Variants in SMAP2 observed in about 807,000 individuals in gnomAD.
The protein encoded by SMAP2 is stromal membrane-associated protein 2.
Under a neutral mutation model 56.4 loss-of-function variants are expected in SMAP2, and 25 were observed. That is an observed-to-expected ratio of 0.44 (90% CI 0.32 to 0.62). The LOEUF (loss-of-function observed/expected upper bound fraction) is 0.62, where lower values mean the gene tolerates loss of function less well. SMAP2 is among the 20% of genes least tolerant of loss of function. The pLI, the probability that SMAP2 is intolerant of heterozygous loss-of-function variation, is 0.04. For missense variants in SMAP2, 388 were observed against 545.6 expected, an observed-to-expected ratio of 0.71 and a Z score of 2.88; for synonymous variants, 157 against 181.7, an observed-to-expected ratio of 0.86 and a Z score of 1.09.
intron 1 of SMAP2, among the ~76,000 whole-genome samples, chr1:40,398,746 C>A (rs1342974951): frequency 6.6e-6 from 1 of 151,960 alleles, no homozygotes; most frequent in East Asian, 1.9e-4. Flanking sequence ...TCAAGTGATC[C>A]TCCAACCTCA....
At chr1:40,362,611 T>G (rs12562232) in intron 2 of SMAP2, among the ~76,000 whole-genome samples, 14,561 of 152,222 alleles carry the variant, frequency 0.096, 739 homozygotes, top group East Asian at 0.17. Context: ...TGATTCTTTT[T>G]CATGTGATTT....
intron 1 of SMAP2, chr1:40,393,360 CA>C: frequency 4.6e-6 from 7 of 1,534,678 alleles, no homozygotes; most frequent in Non-Finnish European, 6.1e-6. Flanking sequence ...TGAGTGAGTG[CA>C]GCAGGAGAGG....
chr1:40,382,464 C>T (rs1644607932), intron 1 of SMAP2, among the ~76,000 whole-genome samples: 1 of 152,160 alleles, frequency 6.6e-6, no homozygotes, highest in Admixed American at 6.5e-5. Context: ...ATATGCTTTA[C>T]ACTGTAAGCA....
intron 9 of SMAP2, among the ~76,000 whole-genome samples, chr1:40,419,349 C>T (rs1052089556): frequency 6.7e-6 from 1 of 150,214 alleles, no homozygotes. Flanking sequence ...GGCACAATCT[C>T]GGCTCACTGC....
At position 40,408,532 on chromosome 1, in the gene SMAP2, A is replaced by T; in HGVS notation, c.238-121A>T. The stretch of plus-strand genomic sequence containing the variant: ...TGGAAATCAGAATACACAAGTTTAA[A>T]TGTTGGTTCTGACACTCTCTAGGTT... On this transcript the variant is annotated intron_variant, in intron 2 of 9. Coordinates refer to ENST00000372718, the MANE Select transcript of SMAP2 (RefSeq NM_022733.3). This position sits in a 1 kb window ranked among gnomAD's most constrained non-coding sequence, Gnocchi z 4.3. 1.5e-6 allele frequency: 1 copy of T among 689,494 alleles called. No individual in the cohort carries two copies. The highest frequency in any genetic ancestry group is 2.6e-5 in the Admixed American group (1 of 37,800). The allele number at this position is 689,494 out of a possible 1,614,324, so 42.7% of individuals were successfully genotyped here. A position where few individuals can be genotyped will look rare whatever the true frequency, so the allele number is the denominator to read the frequency against.
chr1:40,363,267 T>C (rs939211412), intron 2 of SMAP2, among the ~76,000 whole-genome samples: 4 of 152,108 alleles, frequency 2.6e-5, no homozygotes, highest in Non-Finnish European at 5.9e-5. Context: ...TCATCTTCCA[T>C]AGCAGGAAGT....
chr1:40,415,073 G>C (rs1001403807), intron 6 of SMAP2, among the ~76,000 whole-genome samples, 199 bp from the exon 7 acceptor site: 2 of 152,112 alleles, frequency 1.3e-5, no homozygotes, highest in African/African-American at 4.8e-5. Context: ...CTGATAGCTG[G>C]GCTACAGGCT....
In SMAP2 at chr1:40,408,883, G is replaced by C; in HGVS notation, c.323+145G>C. ...TGCTTGTCCTCTGTCCTGCAATCAAGGTGCACAAAAAGCACATGTATTTGT... is the reference window on the plus strand; with the variant it reads ...TGCTTGTCCTCTGTCCTGCAATCAACGTGCACAAAAAGCACATGTATTTGT... On this transcript the variant is annotated intron_variant, in intron 3 of 9. Transcript: ENST00000372718. This position sits in a 1 kb window ranked among gnomAD's most constrained non-coding sequence, Gnocchi z 4.3. 1 of 610,670 alleles carries C rather than the reference G, an allele frequency of 1.6e-6. No homozygotes were observed. Among genetic ancestry groups the C allele is most frequent in the Non-Finnish European group, 2.9e-6 (1 of 343,992 alleles). The allele number at this position is 610,670 out of a possible 1,614,324, so 37.8% of individuals were successfully genotyped here. A position where few individuals can be genotyped will look rare whatever the true frequency, so the allele number is the denominator to read the frequency against.
intron 7 of SMAP2, among the ~76,000 whole-genome samples, 169 bp downstream of exon 7, chr1:40,415,550 G>A (rs991573555): frequency 6.6e-6 from 1 of 152,142 alleles, no homozygotes; most frequent in Non-Finnish European, 1.5e-5. Context: ...TAAGATTGCT[G>A]TTCATGCCTT....
chr1:40,351,001 C>T lies in SMAP2; in HGVS notation c.-83+6091C>T, dbSNP rs547291153. Among the ~76,000 whole-genome samples the T allele has an allele frequency of 1.6e-4, 25 of 152,328 alleles. No individual in the cohort carries two copies. The East Asian group carries it at 4.6e-3, about 28-fold the overall frequency. On this transcript the variant is annotated intron_variant, in intron 1 of 6. Coordinates refer to the SMAP2 transcript ENST00000435168. ...GACTCTGAAGACTCAAAGTCAGGAG[C>T]AGATCCAAACAATCTCCCTCCTTAC...
chr1:40,378,797 A>G (rs112898760), intron 1 of SMAP2, among the ~76,000 whole-genome samples: 16 of 152,308 alleles, frequency 1.1e-4, no homozygotes, highest in African/African-American at 2.4e-4. Flanking sequence ...TCCAACTCCT[A>G]TATTTTTAAA....
Position 40,374,738 on chromosome 1 carries a change from T to C in SMAP2, c.103+515T>C, listed in dbSNP as rs943610363. 5.2e-6 allele frequency: 8 copies of C among 1,550,426 alleles called. No homozygotes were observed. The African/African-American group carries it at 1.1e-4, about 21-fold the overall frequency. On this transcript the variant is annotated intron_variant, in intron 1 of 9. Transcript: ENST00000372718. This position sits in a 1 kb window ranked among gnomAD's most constrained non-coding sequence, Gnocchi z 5.9. ...TGATTTTTGCTTCCTGCTATTTGGT[T>C]AGCAACTCCTGTCATTTTGCAGCCT... is the stretch of plus-strand genomic sequence containing the variant.
In SMAP2 at chr1:40,413,325, T is replaced by G. The variant is rs182362562; in HGVS notation, c.489+223T>G. On this transcript the variant is annotated intron_variant, in intron 5 of 9. Coordinates refer to ENST00000372718, the MANE Select transcript of SMAP2 (RefSeq NM_022733.3). ...CTTCGCTTTGGGGCCAGATGAGAAC[T>G]CAGGAAATGCATCTGTTCCATCTAA... 1.9e-3 allele frequency among the ~76,000 whole-genome samples: 283 copies of G among 152,296 alleles called. 1 individual carries two copies. Among genetic ancestry groups the G allele is most frequent in the Non-Finnish European group, 2.5e-3 (171 of 68,030 alleles).
intron 4 of SMAP2, among the ~76,000 whole-genome samples, chr1:40,411,298 A>G (rs1319498199): frequency 6.6e-6 from 1 of 152,164 alleles, no homozygotes; most frequent in Non-Finnish European, 1.5e-5. Flanking sequence ...ACAGTTTAGA[A>G]CCCAAGCATA....
At position 40,414,247 on chromosome 1, in the gene SMAP2, G is replaced by T; in HGVS notation, c.571+7G>T. On this transcript the variant is annotated splice_region_variant and intron_variant, in intron 6 of 9. Transcript: ENST00000372718. ...ATGGATTTGTTGGGCCTTGGTAAGA[G>T]TTGGACTTTTCAGCTTCCATGTTCT... 1 of 1,613,942 alleles carries T rather than the reference G, an allele frequency of 6.2e-7. No homozygotes were observed. The highest frequency in any genetic ancestry group is 8.5e-7 in the Non-Finnish European group (1 of 1,179,814).
At position 40,374,079 on chromosome 1, in the gene SMAP2, G is replaced by T; in HGVS notation, c.-42G>T. On this transcript the variant is annotated 5_prime_UTR_variant, in exon 1 of 10. Transcript: ENST00000372718. This position sits in a 1 kb window ranked among gnomAD's most constrained non-coding sequence, Gnocchi z 5.9. ...GACTGAGGCAGGGGTCTCTGGGGGC[G>T]AGGAGGGCGCGTCGCCCTCTGCCCC... The T allele has an allele frequency of 1.0e-5, 15 of 1,505,284 alleles. No individual in the cohort carries two copies. Among genetic ancestry groups the T allele is most frequent in the Non-Finnish European group, 1.4e-5 (15 of 1,092,160 alleles). The allele number at this position is 1,505,284 out of a possible 1,614,324, so 93.2% of individuals were successfully genotyped here. A position where few individuals can be genotyped will look rare whatever the true frequency, so the allele number is the denominator to read the frequency against.
intron 1 of SMAP2, among the ~76,000 whole-genome samples, chr1:40,354,258 G>T (rs2124163332): frequency 6.6e-6 from 1 of 152,238 alleles, no homozygotes; most frequent in South Asian, 2.1e-4. Context: ...AATAAAGACT[G>T]CCTCAACAGG....
intron 2 of SMAP2, among the ~76,000 whole-genome samples, chr1:40,368,698 G>A (rs1391946638): frequency 3.3e-4 from 4 of 12,220 alleles, no homozygotes; most frequent in Non-Finnish European, 3.2e-4. Flanking sequence ...TTGATGGGAC[G>A]TATTTCAAAA....
intron 1 of SMAP2, among the ~76,000 whole-genome samples, chr1:40,351,791 C>A (rs1008104943): frequency 6.6e-6 from 1 of 152,086 alleles, no homozygotes; most frequent in Non-Finnish European, 1.5e-5. Context: ...GGTGAGCCAC[C>A]GCGCTCAGCC....
Sources: allele counts gnomAD v4.1 joint callset (sites outside exome capture counted in the v4.1 genomes callset), GRCh38; gene constraint gnomAD v4.1.1; non-coding constraint Gnocchi (gnomAD v3.1); transcripts MANE v1.5; gene names NCBI Gene and HGNC (gene_info 2026-07-23, HGNC 2026-07-21).